The following PRH1 variants were observed in gnomAD, a reference collection of about 807,000 sequenced individuals.
PRH1 encodes the protein salivary acidic proline-rich phosphoprotein 1/2.
In PRH1, 7 loss-of-function variants were observed where a neutral mutation model predicts 7.9. The observed-to-expected ratio is 0.89, with a 90% CI of 0.50 to 1.67. The LOEUF is 1.67. PRH1 is among the 40% of genes most tolerant of loss of function. PRH1 has a pLI of 0.00. For synonymous variants in PRH1, 45 were observed against 80.8 expected (o/e 0.56, Z 2.38); for missense variants, 109 against 223.6 (o/e 0.49, Z 3.27).
At position 10,941,563 on chromosome 12, in the gene PRH1, TTTA is replaced by T. The variant is rs1314145891; in HGVS notation, c.-59+32089_-59+32091del. Reference sequence around the variant, plus strand: ...ATTTATTATTAAAATTTATTATTTATTTATTATTAAAATTTATTATTTATTATT... The same window carrying T: ...ATTTATTATTAAAATTTATTATTTATTTATTAAAATTTATTATTTATTATT... On this transcript the variant is annotated intron_variant, in intron 2 of 3. Transcript: ENST00000539853. Among the ~76,000 whole-genome samples, 8 of 105,342 alleles carry T rather than the reference TTTA, an allele frequency of 7.6e-5. No homozygotes were observed. The East Asian group carries it at 2.2e-3, about 29-fold the overall frequency. 69.1% of individuals were successfully genotyped at this position (105,342 alleles called of 152,430 possible).
intron 2 of PRH1, among the ~76,000 whole-genome samples, chr12:10,972,786 G>GAA (rs1938878587): frequency 6.6e-6 from 1 of 152,148 alleles, no homozygotes; most frequent in Admixed American, 6.5e-5. Context: ...TATGTAGACA[G>GAA]AATCCAACTT....
At chr12:11,140,045 CATTT>C (rs1174392767) in intron 1 of PRH1, among the ~76,000 whole-genome samples, 3 of 151,796 alleles carry the variant, frequency 2.0e-5, no homozygotes, top group Admixed American at 6.6e-5. Context: ...ATTTCATATA[CATTT>C]ATTAATAATG....
intron 1 of PRH1, among the ~76,000 whole-genome samples, chr12:10,974,081 A>G (rs67458095): frequency 0.13 from 19,730 of 152,292 alleles, 1,376 homozygotes; most frequent in Non-Finnish European, 0.15. Context: ...AACACAATTA[A>G]GAGTCCACAA....
At chr12:11,156,736 C>T (rs1242971123) in intron 1 of PRH1, among the ~76,000 whole-genome samples, 1 of 151,978 alleles carries the variant, frequency 6.6e-6, no homozygotes, top group East Asian at 1.9e-4. Context: ...AAATAAAATA[C>T]TCATAATACC....
intron 1 of PRH1, among the ~76,000 whole-genome samples, chr12:10,991,382 A>AT (rs1487888140): frequency 6.6e-6 from 1 of 152,170 alleles, no homozygotes; most frequent in Non-Finnish European, 1.5e-5. Flanking sequence ...TTCTATAATG[A>AT]TAATCCCCTG....
intron 2 of PRH1, chr12:10,938,496 G>A (rs1232342505): frequency 2.5e-6 from 4 of 1,613,942 alleles, no homozygotes; most frequent in Non-Finnish European, 3.4e-6. Flanking sequence ...GCATAGAGTA[G>A]GAAGAAAGTG....
At chr12:10,975,662 G>A (rs1939055803) in intron 1 of PRH1, among the ~76,000 whole-genome samples, 1 of 151,758 alleles carries the variant, frequency 6.6e-6, no homozygotes, top group Non-Finnish European at 1.5e-5. Flanking sequence ...ATGGTATGCT[G>A]TCCTTAAGAG....
chr12:10,964,920 C>G (rs1938432023), intron 2 of PRH1: 5 of 591,044 alleles, frequency 8.5e-6, no homozygotes, highest in African/African-American at 1.9e-5. Flanking sequence ...TTTACCACAA[C>G]AAGATGACAA....
chr12:11,082,133 T>C (rs1451822347), intron 1 of PRH1, among the ~76,000 whole-genome samples: 1 of 114,716 alleles, frequency 8.7e-6, no homozygotes, highest in East Asian at 2.1e-4. Flanking sequence ...AAATTATGTA[T>C]GTAAATATTT....
chr12:11,022,047 T>C, intron 1 of PRH1: 1 of 1,613,932 alleles, frequency 6.2e-7, no homozygotes, highest in Non-Finnish European at 8.5e-7. Context: ...CAGTCAAGCT[T>C]GAAAGGTGTA....
At chr12:11,012,941 A>C (rs7306087) in intron 1 of PRH1, among the ~76,000 whole-genome samples, 113,111 of 151,886 alleles carry the variant, frequency 0.74, 44,543 homozygotes, top group East Asian at 0.96. Flanking sequence ...AATAAAAGGC[A>C]AAAATTATAT....
chr12:11,015,586 T>C (rs1190045209), intron 1 of PRH1, among the ~76,000 whole-genome samples: 1 of 152,086 alleles, frequency 6.6e-6, no homozygotes, highest in East Asian at 1.9e-4. Context: ...CTAACAGTAA[T>C]ATCTGGGTAC....
At chr12:11,134,853 T>C (rs1013410099) in intron 1 of PRH1, among the ~76,000 whole-genome samples, 1 of 152,276 alleles carries the variant, frequency 6.6e-6, no homozygotes, top group African/African-American at 2.4e-5. Flanking sequence ...CCATAAGATC[T>C]GGTTGCTGCT....
intron 2 of PRH1, among the ~76,000 whole-genome samples, chr12:10,905,468 C>G (rs1001811884): frequency 6.6e-6 from 1 of 152,026 alleles, no homozygotes; most frequent in Non-Finnish European, 1.5e-5. Context: ...CAGTTCAAGA[C>G]CAGCCTGGCC....
Position 10,929,800 on chromosome 12 carries a change from A to T in PRH1, c.-59+43855T>A, listed in dbSNP as rs140637919. ...GCCTCTGTCTACATAGAGTTAGAGAATCACCAGAGTGAAATATTGTCATTT... is the reference window on the plus strand; with the variant it reads ...GCCTCTGTCTACATAGAGTTAGAGATTCACCAGAGTGAAATATTGTCATTT... On this transcript the variant is annotated intron_variant, in intron 2 of 3. Coordinates refer to the PRH1 transcript ENST00000539853. Among the ~76,000 whole-genome samples the T allele has an allele frequency of 2.3e-3, 348 of 152,270 alleles. 1 individual carries two copies. Among genetic ancestry groups the T allele is most frequent in the African/African-American group, 7.9e-3 (327 of 41,550 alleles).
At chr12:11,021,238 T>A (rs533463177) in intron 1 of PRH1, among the ~76,000 whole-genome samples, 79 of 152,320 alleles carry the variant, frequency 5.2e-4, no homozygotes, top group African/African-American at 1.8e-3. Context: ...TAAAATTGAA[T>A]GTCTTTACCA....
chr12:10,898,878 G>T (rs544584487), intron 2 of PRH1, among the ~76,000 whole-genome samples: 3 of 152,342 alleles, frequency 2.0e-5, no homozygotes, highest in African/African-American at 7.2e-5. Context: ...GTCTGAGGAA[G>T]AACAAGGAAA....
chr12:11,039,213 G>T (rs1242547687), intron 1 of PRH1, among the ~76,000 whole-genome samples: 7 of 152,198 alleles, frequency 4.6e-5, no homozygotes, highest in South Asian at 2.1e-4. Flanking sequence ...TTAAAGGCAG[G>T]CCTGATATCC....
chr12:10,919,289 A>G (rs777489043), intron 2 of PRH1, among the ~76,000 whole-genome samples: 1 of 152,212 alleles, frequency 6.6e-6, no homozygotes, highest in Non-Finnish European at 1.5e-5. Context: ...TATAAACTCT[A>G]TAATTTTTTT....
Sources: allele counts gnomAD v4.1 joint callset (sites outside exome capture counted in the v4.1 genomes callset), GRCh38; gene constraint gnomAD v4.1.1; transcripts MANE v1.5; gene names NCBI Gene and HGNC (gene_info 2026-07-23, HGNC 2026-07-21).